The following NDUFA11 variants were observed in gnomAD, a reference collection of about 807,000 sequenced individuals.
The protein encoded by NDUFA11 is NADH:ubiquinone oxidoreductase subunit A11, also known as NADH dehydrogenase [ubiquinone] 1 alpha subcomplex subunit 11.
A neutral mutation model predicts 11.3 loss-of-function variants in NDUFA11; 14 were observed. The observed-to-expected ratio is 1.24, with a 90% confidence interval of 0.82 to 1.94. The LOEUF (loss-of-function observed/expected upper bound fraction) is 1.94. Ranked by LOEUF, NDUFA11 falls within the 30% of genes most tolerant of loss-of-function variation. The pLI, the probability that NDUFA11 is intolerant of heterozygous loss-of-function variation, is 0.00. For synonymous variants in NDUFA11, 87 were observed against 85.6 expected, an observed-to-expected ratio of 1.02 and a Z score of -0.09; for missense variants, 204 against 200.3, an observed-to-expected ratio of 1.02 and a Z score of -0.11.
chr19:5,896,524 CG>C lies in NDUFA11; in HGVS notation c.241del (p.Arg81AlafsTer8). ...GLTTCISAHV[R>X]EKPDDPLNYF... ...GTTCAGGGGGTCGTCGGGCTTCTCG[CG>C]GACATGGGCGCTGATGCAGGTGGTG... On this transcript the variant is annotated frameshift_variant, in exon 3 of 4. Transcript: ENST00000308961. LOFTEE classifies it high-confidence loss of function. This position sits in a 1 kb window ranked among gnomAD's most constrained non-coding sequence, Gnocchi z 5.8. 1 of 1,569,272 alleles carries C rather than the reference CG, an allele frequency of 6.4e-7. No homozygotes were observed. Among genetic ancestry groups the C allele is most frequent in the South Asian group, 1.2e-5 (1 of 85,318 alleles).
At chr19:5,895,014 G>A in intron 3 of NDUFA11, 160 bp from the exon 4 acceptor site, 1 of 840,852 alleles carries the variant, frequency 1.2e-6, no homozygotes, top group Non-Finnish European at 1.8e-6. Context: ...CTAGACTCTG[G>A]AGATGTGGAA....
downstream of NDUFA11, chr19:5,891,810 A>T (rs2144942225): frequency 6.5e-6 from 1 of 152,906 alleles, no homozygotes; most frequent in South Asian, 2.1e-4. Flanking sequence ...TCCTCTAGGA[A>T]GCCCTCCTAG....
At chr19:5,894,642 TGTCGCC>T (rs1252830272), downstream of NDUFA11, 3 of 1,546,860 alleles carry the variant, frequency 1.9e-6, no homozygotes, top group African/African-American at 2.7e-5. Flanking sequence ...CCGGCTGCTG[TGTCGCC>T]GTCATCAAGC....
downstream of NDUFA11, chr19:5,892,728 C>T (rs139873183): frequency 3.5e-5 from 27 of 766,840 alleles, no homozygotes; most frequent in Non-Finnish European, 4.3e-5. Context: ...TGCCCCCTGC[C>T]GGCCGCAGTA....
intron 3 of NDUFA11, 39 bp from the exon 4 acceptor site, chr19:5,894,893 C>A: frequency 1.3e-6 from 2 of 1,555,286 alleles, no homozygotes; most frequent in Non-Finnish European, 1.7e-6. Flanking sequence ...CCGGGTGGGG[C>A]TCGGCCGGAC....
chr19:5,902,149 G>A (rs1459095601), intron 1 of NDUFA11, among the ~76,000 whole-genome samples: 4 of 149,770 alleles, frequency 2.7e-5, no homozygotes, highest in Non-Finnish European at 5.9e-5. Context: ...CTGATTTTTT[G>A]TATTTTTAGT....
chr19:5,901,673 T>G (rs1453745023), intron 1 of NDUFA11, among the ~76,000 whole-genome samples: 2 of 151,846 alleles, frequency 1.3e-5, no homozygotes, highest in Admixed American at 6.6e-5. Context: ...TGGGTTTTTT[T>G]TTTTTTTTCT....
Position 5,896,101 on chromosome 19 carries a change from T to C in NDUFA11, c.313+352A>G. 4 of 510,432 alleles carry C rather than the reference T, an allele frequency of 7.8e-6. No individual in the cohort carries two copies. The highest frequency in any genetic ancestry group is 3.6e-5 in the Admixed American group (1 of 28,126). The allele number at this position is 510,432 out of a possible 1,614,324, so 31.6% of individuals were successfully genotyped here. ...CGAGGGCGGCGGGGATGCTGGCTTGTACACAGGGTGGTCAGGACAGTGAGG... is the reference window on the plus strand; with the variant it reads ...CGAGGGCGGCGGGGATGCTGGCTTGCACACAGGGTGGTCAGGACAGTGAGG... On this transcript the variant is annotated intron_variant, in intron 3 of 3. Transcript: ENST00000308961. The surrounding 1 kb of genome is among the most constrained non-coding windows in gnomAD (Gnocchi z 5.8).
At position 5,896,508 on chromosome 19, in the gene NDUFA11, G is replaced by A. The variant is rs933011275; in HGVS notation, c.258C>T (p.Asp86=). The change falls in exon 3 of 4, where the codon GAC becomes GAT. Residue 86 remains aspartate (D), a synonymous_variant. Coordinates refer to ENST00000308961, the MANE Select transcript of NDUFA11 (RefSeq NM_175614.5). This position sits in a 1 kb window ranked among gnomAD's most constrained non-coding sequence, Gnocchi z 5.8. ...AGCCACCGAGGAAGTAGTTCAGGGG[G>A]TCGTCGGGCTTCTCGCGGACATGGG... ...ISAHVREKPD[D]PLNYFLGGCA... is the part of the protein sequence containing the mutation. 4 of 1,572,542 alleles carry A rather than the reference G, an allele frequency of 2.5e-6. No homozygotes were observed. The highest frequency in any genetic ancestry group is 3.5e-6 in the Non-Finnish European group (4 of 1,159,294).
downstream of NDUFA11, chr19:5,892,910 G>A (rs1246996169): frequency 2.1e-6 from 3 of 1,437,160 alleles, no homozygotes; most frequent in African/African-American, 2.9e-5. Context: ...ACAGAACAAG[G>A]AAAGAATCAA....
In NDUFA11 at chr19:5,894,868, G is replaced by C; in HGVS notation, c.314-14C>G. Reference sequence around the variant, plus strand: ...CGTAGTTGTGCGCTGTGGGAGTGGGGAGGTGATGTCAGGCCCGGGTGGGGC... The same window carrying C: ...CGTAGTTGTGCGCTGTGGGAGTGGGCAGGTGATGTCAGGCCCGGGTGGGGC... On this transcript the variant is annotated splice_polypyrimidine_tract_variant and intron_variant, in intron 3 of 3. Coordinates refer to ENST00000308961, the MANE Select transcript of NDUFA11 (RefSeq NM_175614.5). The C allele has an allele frequency of 6.3e-7, 1 of 1,590,238 alleles. No individual in the cohort carries two copies. Among genetic ancestry groups the C allele is most frequent in the Middle Eastern group, 1.7e-4 (1 of 5,836 alleles).
intron 1 of NDUFA11, chr19:5,901,305 C>T (rs1238445928): frequency 7.8e-7 from 1 of 1,274,070 alleles, no homozygotes; most frequent in Non-Finnish European, 1.0e-6. Context: ...CCCCCTTCAG[C>T]CCTTTCTCTT....
chr19:5,900,629 G>T (rs58883309), intron 1 of NDUFA11, among the ~76,000 whole-genome samples: 2 of 152,188 alleles, frequency 1.3e-5, no homozygotes, highest in African/African-American at 4.8e-5. Flanking sequence ...GAAGAATTTA[G>T]GGAGAAGGGT....
intron 1 of NDUFA11, among the ~76,000 whole-genome samples, chr19:5,900,930 A>G (rs1254944921): frequency 6.6e-6 from 1 of 151,848 alleles, no homozygotes. Context: ...AAAAAAAAGA[A>G]AAAAGAAAAA....
chr19:5,899,629 ATTAT>A lies in NDUFA11; in HGVS notation c.98-2636_98-2633del, dbSNP rs1400019456. ...CCATGCCCAGCTAATTATTATTATT[ATTAT>A]TTTTTGTATTTTTAGTAGAGACGGG... On this transcript the variant is annotated intron_variant, in intron 1 of 3. Coordinates refer to ENST00000308961, the MANE Select transcript of NDUFA11 (RefSeq NM_175614.5). Among the ~76,000 whole-genome samples the A allele has an allele frequency of 5.3e-3, 381 of 72,168 alleles. 1 individual carries two copies. Among genetic ancestry groups the A allele is most frequent in the African/African-American group, 0.019 (353 of 18,952 alleles). 47.3% of individuals were successfully genotyped at this position (72,168 alleles called of 152,430 possible).
chr19:5,894,445 G>A (rs1281599704), downstream of NDUFA11, among the ~76,000 whole-genome samples: 1 of 152,170 alleles, frequency 6.6e-6, no homozygotes, highest in Non-Finnish European at 1.5e-5. Flanking sequence ...GGAACTGGGG[G>A]AAGCAGAGGC....
downstream of NDUFA11, among the ~76,000 whole-genome samples, chr19:5,894,277 A>C (rs1162118412): frequency 2.0e-5 from 3 of 152,040 alleles, no homozygotes; most frequent in Non-Finnish European, 4.4e-5. Flanking sequence ...CGTGTTTTCC[A>C]CATGTTGTTG....
Position 5,896,882 on chromosome 19 carries a change from C to T in NDUFA11, c.190+23G>A, listed in dbSNP as rs1212743347. On this transcript the variant is annotated intron_variant, in intron 2 of 3. Coordinates refer to ENST00000308961, the MANE Select transcript of NDUFA11 (RefSeq NM_175614.5). The surrounding 1 kb of genome is among the most constrained non-coding windows in gnomAD (Gnocchi z 5.8). The stretch of plus-strand genomic sequence containing the variant: ...GGGCTGTGCCAGGAGAGGGCCCAGC[C>T]ATGCCCAGCCCAGCGTGCTCACCTG... The T allele has an allele frequency of 1.3e-6, 2 of 1,595,684 alleles. No individual in the cohort carries two copies. Among genetic ancestry groups the T allele is most frequent in the Non-Finnish European group, 8.6e-7 (1 of 1,163,542 alleles).
chr19:5,903,501 A>G (rs983047361), intron 1 of NDUFA11, 111 bp downstream of exon 1: 2 of 1,035,406 alleles, frequency 1.9e-6, no homozygotes, highest in African/African-American at 1.6e-5. Context: ...GATGACAACC[A>G]CGTGCGTACC....
Sources: allele counts gnomAD v4.1 joint callset (sites outside exome capture counted in the v4.1 genomes callset), GRCh38; gene constraint gnomAD v4.1.1; non-coding constraint Gnocchi (gnomAD v3.1); transcripts MANE v1.5; gene names NCBI Gene and HGNC (gene_info 2026-07-23, HGNC 2026-07-21).